SIPA1L2: variants seen among roughly 807,000 people sequenced by gnomAD.
SIPA1L2 encodes the protein signal-induced proliferation-associated 1-like protein 2.
SIPA1L2 carries 56 observed loss-of-function variants against 163.9 expected under a neutral mutation model. That is an observed-to-expected ratio of 0.34 (90% CI 0.28 to 0.43). SIPA1L2 has a LOEUF of 0.43. SIPA1L2 is among the 20% of genes least tolerant of loss of function. SIPA1L2 has a pLI of 1.00. For missense variants in SIPA1L2, 1,974 were observed against 2,193.5 expected (o/e 0.90, Z 2.00); for synonymous variants, 877 against 865.7 (o/e 1.01, Z -0.23).
At chr1:232,434,916 G>A (rs904603979) in intron 15 of SIPA1L2, among the ~76,000 whole-genome samples, 1 of 152,174 alleles carries the variant, frequency 6.6e-6, no homozygotes, top group African/African-American at 2.4e-5. Flanking sequence ...AGTTAACCAA[G>A]TGATGATCAT....
At chr1:232,412,369 C>T (rs183540476) in intron 19 of SIPA1L2, among the ~76,000 whole-genome samples, 1 of 152,140 alleles carries the variant, frequency 6.6e-6, no homozygotes, top group African/African-American at 2.4e-5. Flanking sequence ...AATAGGGGCA[C>T]AGGATTATTC....
At chr1:232,456,223 A>AT (rs1230496582) in intron 10 of SIPA1L2, among the ~76,000 whole-genome samples, 3 of 152,218 alleles carry the variant, frequency 2.0e-5, no homozygotes, top group African/African-American at 7.2e-5. Context: ...TATTTTATAT[A>AT]TGTATGTGTG....
intron 2 of SIPA1L2, among the ~76,000 whole-genome samples, chr1:232,531,882 G>A (rs1656980513): frequency 6.6e-6 from 1 of 152,064 alleles, no homozygotes; most frequent in South Asian, 2.1e-4. Context: ...GAGGGAGGAG[G>A]GGAAGGAGCT....
At position 232,465,045 on chromosome 1, in the gene SIPA1L2, C is replaced by T; in HGVS notation, c.2615G>A (p.Cys872Tyr). The change falls in exon 9 of 23, where the codon TGT (cysteine) becomes TAT (tyrosine). Residue 872 changes from cysteine to tyrosine, a missense_variant. Transcript: ENST00000674635. This position sits in a 1 kb window ranked among gnomAD's most constrained non-coding sequence, Gnocchi z 4.1. ...RDFGQSADIECLLGISNEFIM... is the reference protein window; with the variant it reads ...RDFGQSADIEYLLGISNEFIM... ...GAACTCATTGGAGATCCCGAGAAGA[C>T]ATTCAATGTCAGCAGACTGGCCGAA... 1 of 1,614,176 alleles carries T rather than the reference C, an allele frequency of 6.2e-7. No individual in the cohort carries two copies. Among genetic ancestry groups the T allele is most frequent in the Non-Finnish European group, 8.5e-7 (1 of 1,180,024 alleles).
intron 1 of SIPA1L2, among the ~76,000 whole-genome samples, chr1:232,607,697 C>G (rs920919032): frequency 6.6e-6 from 1 of 151,402 alleles, no homozygotes; most frequent in African/African-American, 2.4e-5. Context: ...TCTTCAGGCA[C>G]ACAGGTAGGG....
rs1558246735 is a variant in SIPA1L2 at position 232,528,103 on chromosome 1, A to ATATATATATATATATATCG, written c.-269-12496_-269-12495insCGATATATATATATATATA. Among the ~76,000 whole-genome samples the ATATATATATATATATATCG allele has an allele frequency of 1.5e-3, 75 of 51,722 alleles. 1 individual carries two copies. The highest frequency in any genetic ancestry group is 5.1e-3 in the African/African-American group (65 of 12,792). The allele number at this position is 51,722 out of a possible 152,430, so 33.9% of individuals were successfully genotyped here. On this transcript the variant is annotated intron_variant, in intron 2 of 22. Transcript: ENST00000674635. ...TTATATATATATATATATATATATA[A>ATATATATATATATATATCG]TCAACTTTCTAAAAACCACAGGTAG...
intron 1 of SIPA1L2, among the ~76,000 whole-genome samples, chr1:232,625,546 C>CCTTT (rs1461133072): frequency 6.6e-6 from 1 of 152,056 alleles, no homozygotes; most frequent in Non-Finnish European, 1.5e-5. Context: ...GAAAAGGAAA[C>CCTTT]TCGTTGAGTC....
intron 19 of SIPA1L2, among the ~76,000 whole-genome samples, chr1:232,411,123 C>T (rs1660931049): frequency 6.6e-6 from 1 of 152,156 alleles, no homozygotes; most frequent in Non-Finnish European, 1.5e-5. Flanking sequence ...CTCTAGATTG[C>T]CCTTTGACAG....
intron 18 of SIPA1L2, among the ~76,000 whole-genome samples, chr1:232,422,916 T>C (rs1031856181): frequency 1.3e-5 from 2 of 152,178 alleles, no homozygotes; most frequent in African/African-American, 4.8e-5. Flanking sequence ...CCAGAAACCA[T>C]AGAAAGAAGA....
intron 9 of SIPA1L2, among the ~76,000 whole-genome samples, chr1:232,463,841 C>T (rs774317848): frequency 6.6e-6 from 1 of 152,152 alleles, no homozygotes; most frequent in Non-Finnish European, 1.5e-5. Context: ...GTTGAACACA[C>T]TGAGGCCCTT....
chr1:232,461,463 T>C (rs1269108122), intron 9 of SIPA1L2, among the ~76,000 whole-genome samples: 1 of 152,258 alleles, frequency 6.6e-6, no homozygotes, highest in African/African-American at 2.4e-5. Context: ...CTTTCTTAGA[T>C]GTCACTGACC....
At chr1:232,561,007 T>C (rs916635103) in intron 2 of SIPA1L2, among the ~76,000 whole-genome samples, 8 of 152,242 alleles carry the variant, frequency 5.3e-5, no homozygotes, top group Non-Finnish European at 1.2e-4. Context: ...AAGAATCTAC[T>C]ATGTTCCAGA....
At chr1:232,524,072 T>C (rs1667577383) in intron 2 of SIPA1L2, among the ~76,000 whole-genome samples, 1 of 152,194 alleles carries the variant, frequency 6.6e-6, no homozygotes, top group South Asian at 2.1e-4. Flanking sequence ...AGTTATAAGA[T>C]ACTGAGTTTT....
chr1:232,412,991 T>C (rs769161573), intron 19 of SIPA1L2, among the ~76,000 whole-genome samples: 1 of 152,214 alleles, frequency 6.6e-6, no homozygotes. Context: ...TAGGCATTCA[T>C]GTACCTGAGG....
At chr1:232,530,279 A>T (rs148857038) in intron 2 of SIPA1L2, among the ~76,000 whole-genome samples, 2,324 of 152,060 alleles carry the variant, frequency 0.015, 58 homozygotes, top group African/African-American at 0.052. Flanking sequence ...ACGCCCGGCT[A>T]ATTTTTTTGT....
At chr1:232,521,215 G>A (rs1667444556) in intron 2 of SIPA1L2, among the ~76,000 whole-genome samples, 1 of 152,116 alleles carries the variant, frequency 6.6e-6, no homozygotes, top group Non-Finnish European at 1.5e-5. Flanking sequence ...TCTGCGAAGG[G>A]GAATAAAATC....
chr1:232,458,936 C>G (rs1664077063), intron 10 of SIPA1L2, among the ~76,000 whole-genome samples: 1 of 152,154 alleles, frequency 6.6e-6, no homozygotes, highest in Non-Finnish European at 1.5e-5. Context: ...TAGGCAGAAT[C>G]AGGCAAGGCA....
chr1:232,573,292 T>C (rs1307860842), intron 2 of SIPA1L2, among the ~76,000 whole-genome samples: 1 of 152,092 alleles, frequency 6.6e-6, no homozygotes, highest in Non-Finnish European at 1.5e-5. Context: ...AATAATAGAT[T>C]TGGTGTGAGT....
intron 9 of SIPA1L2, among the ~76,000 whole-genome samples, chr1:232,461,545 T>TTAAGCA (rs1372535179): frequency 6.6e-6 from 1 of 152,210 alleles, no homozygotes; most frequent in Non-Finnish European, 1.5e-5. Context: ...GACTTGACTT[T>TTAAGCA]TAAGCATATA....
Sources: gnomAD v4.1 joint callset for allele counts (sites outside exome capture counted in the v4.1 genomes callset) on GRCh38, gnomAD v4.1.1 for gene constraint, Gnocchi (gnomAD v3.1) non-coding constraint, MANE v1.5 for transcripts, NCBI Gene and HGNC (gene_info 2026-07-23, HGNC 2026-07-21) for gene names.